Variants in LARS2 observed in about 807,000 individuals in gnomAD.
The protein encoded by LARS2 is leucyl-tRNA synthetase 2, mitochondrial.
Under a neutral mutation model 116.6 loss-of-function variants are expected in LARS2, and 81 were observed. That is an observed-to-expected ratio of 0.69 (90% CI 0.58 to 0.84). The LOEUF (loss-of-function observed/expected upper bound fraction) is 0.84. Ranked by LOEUF, LARS2 falls within the 40% of genes least tolerant of loss-of-function variation. The pLI, the probability that LARS2 is intolerant of heterozygous loss-of-function variation, is 0.00. For missense variants in LARS2, 968 were observed against 1,114.5 expected (o/e 0.87, Z 1.87); for synonymous variants, 396 against 407.2 (o/e 0.97, Z 0.33).
Position 45,491,770 on chromosome 3 carries a change from C to T in LARS2, c.1493C>T (p.Ala498Val), listed in dbSNP as rs1389727874. 3.7e-6 allele frequency: 6 copies of T among 1,614,030 alleles called. No individual in the cohort carries two copies. The highest frequency in any genetic ancestry group is 5.1e-6 in the Non-Finnish European group (6 of 1,180,008). ...AAGGGAGGCCCCCCACTGGCCATGG[C>T]TTCAGAGTGGGTGAACTGCTCCTGC... Reference protein sequence around the residue: ...TGKGGPPLAMASEWVNCSCPR... With the variant: ...TGKGGPPLAMVSEWVNCSCPR... The change falls in exon 13 of 22, where the codon GCT (alanine) becomes GTT (valine). Residue 498 changes from alanine to valine, a missense_variant. Transcript: ENST00000645846.
At chr3:45,534,300 G>C (rs1700666782) in intron 20 of LARS2, among the ~76,000 whole-genome samples, 1 of 152,050 alleles carries the variant, frequency 6.6e-6, no homozygotes, top group African/African-American at 2.4e-5. Context: ...AGGAGAGAAT[G>C]GGGAAATGAT....
chr3:45,450,060 T>G (rs764228965), intron 7 of LARS2, among the ~76,000 whole-genome samples: 1 of 152,222 alleles, frequency 6.6e-6, no homozygotes, highest in Non-Finnish European at 1.5e-5. Flanking sequence ...AACTCTTTTT[T>G]AAAAAGTTTT....
At chr3:45,427,088 C>A (rs1486817434) in intron 6 of LARS2, among the ~76,000 whole-genome samples, 4 of 152,098 alleles carry the variant, frequency 2.6e-5, no homozygotes, top group Non-Finnish European at 5.9e-5. Context: ...TCTTTAAATG[C>A]CTTAGAAAAT....
intron 19 of LARS2, 72 bp from the exon 20 acceptor site, chr3:45,523,925 A>C: frequency 9.2e-7 from 1 of 1,082,198 alleles, no homozygotes; most frequent in Non-Finnish European, 1.4e-6. Context: ...GACTTCAGAT[A>C]CATTAATGGT....
intron 13 of LARS2, among the ~76,000 whole-genome samples, chr3:45,492,254 C>A (rs886080939): frequency 1.3e-5 from 2 of 152,170 alleles, no homozygotes; most frequent in African/African-American, 2.4e-5. Context: ...GCTAAGAGAG[C>A]AAGTGTGCTC....
intron 7 of LARS2, among the ~76,000 whole-genome samples, chr3:45,452,448 T>G (rs112485006): frequency 0.02 from 2,991 of 152,124 alleles, 74 homozygotes; most frequent in African/African-American, 0.068. Flanking sequence ...TCTATGGAAA[T>G]TATGTGTTTT....
chr3:45,422,752 G>A (rs1195112865), intron 6 of LARS2, among the ~76,000 whole-genome samples: 1 of 152,022 alleles, frequency 6.6e-6, no homozygotes, highest in African/African-American at 2.4e-5. Flanking sequence ...TCTGATATTA[G>A]CAATGCCATC....
chr3:45,413,233 G>A (rs897178378), intron 4 of LARS2, among the ~76,000 whole-genome samples: 4 of 152,168 alleles, frequency 2.6e-5, no homozygotes, highest in African/African-American at 9.7e-5. Flanking sequence ...AATATCTTCC[G>A]TCCTCTTGTC....
At chr3:45,509,340 A>G (rs1430921084) in intron 15 of LARS2, 1 of 152,154 alleles carries the variant, frequency 6.6e-6, no homozygotes, top group Non-Finnish European at 1.5e-5. Context: ...TGAGTGAACA[A>G]AAGGGAAACA....
chr3:45,525,046 T>C (rs771810716), intron 20 of LARS2, among the ~76,000 whole-genome samples: 21 of 152,236 alleles, frequency 1.4e-4, no homozygotes, highest in African/African-American at 5.1e-4. Context: ...CTTTAAAACA[T>C]AGTACTCCTT....
At chr3:45,514,918 A>G (rs989288855) in intron 16 of LARS2, among the ~76,000 whole-genome samples, 20 of 152,180 alleles carry the variant, frequency 1.3e-4, no homozygotes, top group African/African-American at 4.8e-4. Context: ...AGTATTGTGA[A>G]CATCTTTTCC....
chr3:45,460,741 G>A (rs1330651592), intron 8 of LARS2, among the ~76,000 whole-genome samples: 1 of 152,150 alleles, frequency 6.6e-6, no homozygotes, highest in Non-Finnish European at 1.5e-5. Context: ...AGGGGGCTGT[G>A]CAGTACTGGA....
intron 14 of LARS2, among the ~76,000 whole-genome samples, chr3:45,498,875 A>G (rs558021361): frequency 4.6e-5 from 7 of 152,230 alleles, no homozygotes; most frequent in Non-Finnish European, 8.8e-5. Context: ...GGTGAGAGTT[A>G]TTGGGCTATT....
intron 8 of LARS2, among the ~76,000 whole-genome samples, chr3:45,464,705 G>A (rs536280782): frequency 5.3e-5 from 8 of 152,278 alleles, no homozygotes; most frequent in Non-Finnish European, 7.4e-5. Context: ...TGCATACTGC[G>A]CCTTCTAAGG....
chr3:45,439,553 A>G (rs184562819), intron 6 of LARS2, among the ~76,000 whole-genome samples: 2 of 151,544 alleles, frequency 1.3e-5, no homozygotes, highest in East Asian at 3.9e-4. Flanking sequence ...GCCATTGAGC[A>G]CAGGTAGCTG....
intron 6 of LARS2, among the ~76,000 whole-genome samples, chr3:45,446,635 CAGG>C (rs1438522448): frequency 1.3e-5 from 2 of 152,156 alleles, no homozygotes; most frequent in Admixed American, 1.3e-4. Flanking sequence ...GATGAGTGGG[CAGG>C]AGGTGTGCAA....
At chr3:45,539,653 TA>T (rs1224523093) in intron 20 of LARS2, among the ~76,000 whole-genome samples, 2 of 151,794 alleles carry the variant, frequency 1.3e-5, no homozygotes, top group African/African-American at 4.8e-5. Context: ...AAAGAGAAAT[TA>T]CCCATACTTC....
Position 45,496,295 on chromosome 3 carries a change from G to A in LARS2, c.1544G>A (p.Arg515Lys), listed in dbSNP as rs763866798. Residue 515 changes from arginine (R) to lysine (K), a missense_variant, in exon 14 of 22, where the codon AGA becomes AAA. Transcript: ENST00000645846. ...CTTAGGTGCAAGGGAGCAGCCAAGAGAGAGACAGACACGATGGATACCTTT... is the reference window on the plus strand; with the variant it reads ...CTTAGGTGCAAGGGAGCAGCCAAGAAAGAGACAGACACGATGGATACCTTT... The part of the protein sequence containing the change: ...SCPRCKGAAK[R>K]ETDTMDTFVD... The A allele has an allele frequency of 6.2e-7, 1 of 1,613,866 alleles. No homozygotes were observed. The highest frequency in any genetic ancestry group is 1.1e-5 in the South Asian group (1 of 91,082).
chr3:45,420,392 C>T lies in LARS2; in HGVS notation c.516+663C>T, dbSNP rs185017767. Among the ~76,000 whole-genome samples, 162 of 152,294 alleles carry T rather than the reference C, an allele frequency of 1.1e-3. 1 individual carries two copies. In the East Asian group the frequency reaches 0.029, roughly 27 times the overall value. ...AAGATGGACTGTTGCTTGTCTCCTC[C>T]ACGAAGGGCCCCTTCCAATGCCACA... On this transcript the variant is annotated intron_variant, in intron 6 of 21. Coordinates refer to ENST00000645846, the MANE Select transcript of LARS2 (RefSeq NM_015340.4).
Sources: allele counts gnomAD v4.1 joint callset (sites outside exome capture counted in the v4.1 genomes callset), GRCh38; gene constraint gnomAD v4.1.1; transcripts MANE v1.5; gene names NCBI Gene and HGNC (gene_info 2026-07-23, HGNC 2026-07-21).